CTNND2: variants seen among roughly 807,000 people sequenced by gnomAD.
The protein encoded by CTNND2 is catenin delta 2, also known as catenin delta-2.
A neutral mutation model predicts 144.4 loss-of-function variants in CTNND2; 22 were observed. That is an observed-to-expected ratio of 0.15 (90% confidence interval 0.11 to 0.22). The LOEUF is 0.22. CTNND2 is among the 10% of genes least tolerant of loss of function. The pLI is 1.00. For missense variants in CTNND2, 1,353 were observed against 1,618.8 expected (o/e 0.84, Z 2.82); for synonymous variants, 751 against 695.6 (o/e 1.08, Z -1.25).
chr5:11,671,156 G>T (rs752540501), intron 2 of CTNND2, among the ~76,000 whole-genome samples: 1 of 152,202 alleles, frequency 6.6e-6, no homozygotes, highest in Non-Finnish European at 1.5e-5. Context: ...CTGTTAGTCT[G>T]ATGGGCATTC....
chr5:11,616,991 G>C (rs1780613364), intron 2 of CTNND2, among the ~76,000 whole-genome samples: 1 of 152,088 alleles, frequency 6.6e-6, no homozygotes, highest in Admixed American at 6.6e-5. Context: ...TTGCCTGTAA[G>C]GATTTATTCC....
chr5:11,626,429 G>C (rs982477742), intron 2 of CTNND2, among the ~76,000 whole-genome samples: 11 of 152,260 alleles, frequency 7.2e-5, no homozygotes, highest in African/African-American at 2.4e-4. Flanking sequence ...GGAAAGATTT[G>C]CATAATTCAT....
chr5:11,159,046 T>C (rs908099559), intron 12 of CTNND2, among the ~76,000 whole-genome samples: 1 of 152,228 alleles, frequency 6.6e-6, no homozygotes, highest in African/African-American at 2.4e-5. Context: ...CATTTGCTAC[T>C]TTCATTATTT....
chr5:11,427,973 T>C lies in CTNND2; in HGVS notation c.288-15904A>G, dbSNP rs150889192. ...ATCATGGGGGGAGGCGAAAGGCACT[T>C]CTTACATGGTGACAGCAAGAGCAAA... is the stretch of plus-strand genomic sequence containing the variant. On this transcript the variant is annotated intron_variant, in intron 3 of 21. Transcript: ENST00000304623. Among the ~76,000 whole-genome samples the C allele has an allele frequency of 3.9e-4, 59 of 152,184 alleles. 2 individuals are homozygous for C. In the East Asian group the frequency reaches 7.4e-3, roughly 19 times the overall value.
chr5:11,434,155 C>A lies in CTNND2; in HGVS notation c.288-22086G>T, dbSNP rs537445815. On this transcript the variant is annotated intron_variant, in intron 3 of 21. Coordinates refer to ENST00000304623, the MANE Select transcript of CTNND2 (RefSeq NM_001332.4). Reference sequence around the variant, plus strand: ...CTACTCAGCAATGTACAGGATGGAACTGCCAATACATGCAGCAGCATGGAG... The same window carrying A: ...CTACTCAGCAATGTACAGGATGGAAATGCCAATACATGCAGCAGCATGGAG... Among the ~76,000 whole-genome samples the A allele has an allele frequency of 3.4e-4, 52 of 152,310 alleles. 1 individual carries two copies. The highest frequency in any genetic ancestry group is 1.3e-3 in the African/African-American group (52 of 41,566).
intron 2 of CTNND2, among the ~76,000 whole-genome samples, chr5:11,659,855 C>T (rs781077824): frequency 3.9e-5 from 6 of 152,128 alleles, no homozygotes; most frequent in South Asian, 2.1e-4. Flanking sequence ...CTACCAGTAA[C>T]GTCTTTATGA....
chr5:11,201,589 C>T (rs1463506164), intron 10 of CTNND2, among the ~76,000 whole-genome samples: 2 of 152,178 alleles, frequency 1.3e-5, no homozygotes, highest in Admixed American at 1.3e-4. Flanking sequence ...AAGTGGAAAT[C>T]TTCAGAGCAC....
At chr5:11,369,301 A>G (rs1757251703) in intron 7 of CTNND2, among the ~76,000 whole-genome samples, 1 of 152,202 alleles carries the variant, frequency 6.6e-6, no homozygotes, top group African/African-American at 2.4e-5. Context: ...CAAATTGAAA[A>G]TAACAAATAC....
chr5:11,016,406 C>T (rs1443264467), intron 18 of CTNND2, among the ~76,000 whole-genome samples: 1 of 152,232 alleles, frequency 6.6e-6, no homozygotes. Context: ...TAGAAATAGA[C>T]TCTAACTTAG....
intron 9 of CTNND2, among the ~76,000 whole-genome samples, chr5:11,344,348 C>A (rs1195926697): frequency 1.3e-5 from 2 of 151,296 alleles, no homozygotes; most frequent in Non-Finnish European, 2.9e-5. Context: ...GCGGAGATCG[C>A]GCCACAGCAC....
At chr5:11,553,026 C>T (rs572241267) in intron 3 of CTNND2, among the ~76,000 whole-genome samples, 17 of 152,248 alleles carry the variant, frequency 1.1e-4, no homozygotes, top group African/African-American at 3.8e-4. Flanking sequence ...GAGGAATAAG[C>T]GTGCATGATT....
At chr5:11,812,765 C>G (rs1161285142) in intron 1 of CTNND2, among the ~76,000 whole-genome samples, 2 of 152,104 alleles carry the variant, frequency 1.3e-5, no homozygotes, top group Non-Finnish European at 2.9e-5. Flanking sequence ...TAAGGGAAGA[C>G]AGCCTACAAT....
intron 16 of CTNND2, among the ~76,000 whole-genome samples, chr5:11,029,187 T>A (rs1743186043): frequency 6.6e-6 from 1 of 152,226 alleles, no homozygotes; most frequent in Non-Finnish European, 1.5e-5. Flanking sequence ...GAATCTAAAG[T>A]AAGTTTTTTG....
chr5:11,543,233 T>G (rs1774917984), intron 3 of CTNND2, among the ~76,000 whole-genome samples: 1 of 152,238 alleles, frequency 6.6e-6, no homozygotes, highest in Admixed American at 6.5e-5. Flanking sequence ...TCTGCTACAC[T>G]TCTTTGGGTT....
intron 8 of CTNND2, among the ~76,000 whole-genome samples, chr5:11,358,218 T>A (rs896110187): frequency 6.6e-6 from 1 of 152,214 alleles, no homozygotes; most frequent in Non-Finnish European, 1.5e-5. Flanking sequence ...GGTTTCATGA[T>A]CTATTTGTAC....
intron 10 of CTNND2, among the ~76,000 whole-genome samples, chr5:11,229,959 C>T (rs1305090622): frequency 1.3e-5 from 2 of 151,732 alleles, no homozygotes; most frequent in Admixed American, 6.6e-5. Flanking sequence ...ATCCTCACTA[C>T]CCATGAAATG....
chr5:10,990,499 T>C (rs1333860749), intron 19 of CTNND2, among the ~76,000 whole-genome samples: 1 of 152,212 alleles, frequency 6.6e-6, no homozygotes, highest in African/African-American at 2.4e-5. Context: ...AAAGTCTCTC[T>C]TCCTGCCTTT....
At chr5:11,172,534 A>G (rs1760034388) in intron 11 of CTNND2, among the ~76,000 whole-genome samples, 1 of 152,318 alleles carries the variant, frequency 6.6e-6, no homozygotes, top group Non-Finnish European at 1.5e-5. Flanking sequence ...ACATTCAGCA[A>G]TTTTGGTTCA....
chr5:11,533,636 G>A (rs1773955331), intron 3 of CTNND2, among the ~76,000 whole-genome samples: 1 of 152,288 alleles, frequency 6.6e-6, no homozygotes, highest in African/African-American at 2.4e-5. Flanking sequence ...ACTCTGCTCT[G>A]GACATCAGCA....
Sources: allele counts gnomAD v4.1 joint callset (sites outside exome capture counted in the v4.1 genomes callset), GRCh38; gene constraint gnomAD v4.1.1; transcripts MANE v1.5; gene names NCBI Gene and HGNC (gene_info 2026-07-23, HGNC 2026-07-21).